Variants in CYSLTR2 observed in about 807,000 individuals in gnomAD.
The protein encoded by CYSLTR2 is cysteinyl leukotriene receptor 2.
For missense variants in CYSLTR2, 398 were observed against 411.9 expected (o/e 0.97, Z 0.29); for synonymous variants, 179 against 160.8 (o/e 1.11, Z -0.86).
chr13:48,660,710 A>G (rs1296988043), intron 1 of CYSLTR2, among the ~76,000 whole-genome samples: 3 of 152,364 alleles, frequency 2.0e-5, no homozygotes, highest in Middle Eastern at 3.4e-3. Flanking sequence ...TGAAAGCACA[A>G]GACCGTTCTT....
At chr13:48,697,546 A>G (rs149045712) in intron 4 of CYSLTR2, among the ~76,000 whole-genome samples, 1,564 of 152,306 alleles carry the variant, frequency 0.01, 30 homozygotes, top group African/African-American at 0.036. Context: ...AGATAAAACC[A>G]CAAAGATGGG....
At chr13:48,665,163 G>T (rs1326251925) in intron 1 of CYSLTR2, among the ~76,000 whole-genome samples, 1 of 151,912 alleles carries the variant, frequency 6.6e-6, no homozygotes, top group Admixed American at 6.6e-5. Context: ...TTCCCTTGTG[G>T]TCAAATAAGT....
rs534434290 is a variant in CYSLTR2 at position 48,660,764 on chromosome 13, C to T, written c.-266+6747C>T. Reference sequence around the variant, plus strand: ...AGAAAGCTTGGCATTTCTGACATGACATTTGGAGCCTGTTACAAATAAACT... The same window carrying T: ...AGAAAGCTTGGCATTTCTGACATGATATTTGGAGCCTGTTACAAATAAACT... On this transcript the variant is annotated intron_variant, in intron 1 of 4. Coordinates refer to ENST00000682523, the MANE Select transcript of CYSLTR2 (RefSeq NM_001308476.3). Among the ~76,000 whole-genome samples, 8 of 152,338 alleles carry T rather than the reference C, an allele frequency of 5.3e-5. No individual in the cohort carries two copies. The South Asian group carries it at 1.5e-3, about 28-fold the overall frequency.
rs118092765 is a variant in CYSLTR2 at position 48,691,645 on chromosome 13, T to C, written c.-176+344T>C. Among the ~76,000 whole-genome samples, 665 of 152,150 alleles carry C rather than the reference T, an allele frequency of 4.4e-3. 3 individuals are homozygous for C. Among genetic ancestry groups the C allele is most frequent in the Middle Eastern group, 0.014 (4 of 294 alleles). On this transcript the variant is annotated intron_variant, in intron 2 of 4. Coordinates refer to ENST00000682523, the MANE Select transcript of CYSLTR2 (RefSeq NM_001308476.3). ...TTTTGATGAGTCCCATGTCATTGAG[T>C]CAAAGCCCCTAGTGTTTGTTCAGAC...
chr13:48,678,571 T>C (rs1472290107), intron 1 of CYSLTR2, among the ~76,000 whole-genome samples: 2 of 152,104 alleles, frequency 1.3e-5, no homozygotes, highest in Non-Finnish European at 2.9e-5. Context: ...CTGACAGCCT[T>C]ACATTTATCA....
chr13:48,695,068 ATTTTTTTTTT>A (rs869282546), intron 3 of CYSLTR2, among the ~76,000 whole-genome samples: 21 of 71,618 alleles, frequency 2.9e-4, no homozygotes, highest in Non-Finnish European at 4.0e-4. Flanking sequence ...AGAACCTGGC[ATTTTTTTTTT>A]TTTTTTTTTT....
chr13:48,680,800 C>CTTTTTTTT (rs139896583), intron 1 of CYSLTR2, among the ~76,000 whole-genome samples: 32 of 55,020 alleles, frequency 5.8e-4, no homozygotes, highest in East Asian at 1.9e-3. Context: ...CTTTTCTTTT[C>CTTTTTTTT]TTTTTTTTTT....
intron 1 of CYSLTR2, among the ~76,000 whole-genome samples, chr13:48,671,541 G>T (rs547333734): frequency 6.6e-6 from 1 of 152,116 alleles, no homozygotes; most frequent in Non-Finnish European, 1.5e-5. Flanking sequence ...TATTCATGTG[G>T]TTTTTGTCAT....
rs1044376864 is a variant in CYSLTR2, at chr13:48,708,022, G to C, written c.*164G>C. 6.9e-6 allele frequency: 4 copies of C among 577,338 alleles called. No individual in the cohort carries two copies. Among genetic ancestry groups the C allele is most frequent in the Non-Finnish European group, 1.1e-5 (4 of 351,494 alleles). The allele number at this position is 577,338 out of a possible 1,614,324, so 35.8% of individuals were successfully genotyped here. ...AGACCTACTTCAAAAATTTTATTCAGTGTATTTTCAGTTGTTGAGTCTTAA... is the reference window on the plus strand; with the variant it reads ...AGACCTACTTCAAAAATTTTATTCACTGTATTTTCAGTTGTTGAGTCTTAA... On this transcript the variant is annotated 3_prime_UTR_variant, in exon 5 of 5. Coordinates refer to ENST00000682523, the MANE Select transcript of CYSLTR2 (RefSeq NM_001308476.3).
At chr13:48,705,695 A>T (rs148708962) in intron 4 of CYSLTR2, among the ~76,000 whole-genome samples, 1,960 of 150,126 alleles carry the variant, frequency 0.013, 27 homozygotes, top group Non-Finnish European at 0.019. Context: ...GAAGTATAGA[A>T]AACTTCTTAT....
At chr13:48,692,012 C>T (rs1362718920) in intron 2 of CYSLTR2, among the ~76,000 whole-genome samples, 1 of 151,682 alleles carries the variant, frequency 6.6e-6, no homozygotes, top group Non-Finnish European at 1.5e-5. Context: ...CTTGTGTTAC[C>T]TAATAGCCAT....
At chr13:48,654,154 A>C (rs1036969937) in intron 1 of CYSLTR2, 137 bp downstream of exon 1, 1 of 152,114 alleles carries the variant, frequency 6.6e-6, no homozygotes, top group African/African-American at 2.4e-5. Flanking sequence ...TATCATGTAC[A>C]TGGTAGTTTA....
intron 1 of CYSLTR2, among the ~76,000 whole-genome samples, chr13:48,678,968 C>G (rs1953675157): frequency 6.6e-6 from 1 of 152,154 alleles, no homozygotes; most frequent in South Asian, 2.1e-4. Context: ...CCAGTGTCAC[C>G]TCTCTAAAAT....
intron 1 of CYSLTR2, among the ~76,000 whole-genome samples, chr13:48,672,712 G>C (rs1165269804): frequency 6.6e-6 from 1 of 150,574 alleles, no homozygotes; most frequent in Non-Finnish European, 1.5e-5. Flanking sequence ...CCGCCTCCTG[G>C]GTTCATGTCA....
Position 48,707,843 on chromosome 13 carries a change from G to T in CYSLTR2, c.1026G>T (p.Lys342Asn), listed in dbSNP as rs548146071. Residue 342 changes from lysine (K) to asparagine (N), a missense_variant, in exon 5 of 5, where the codon AAG becomes AAT. Lys to Asn is a moderately conservative substitution (Grantham distance 94). Transcript: ENST00000682523. The stretch of plus-strand genomic sequence containing the variant: ...TCCCTGTTAGTGTGTGGTTGAGAAA[G>T]GAAACAAGAGTATAAGGAGCTCTTA... ...CVFPVSVWLRKETRV is the reference protein window; with the variant it reads ...CVFPVSVWLRNETRV 1.3e-6 allele frequency: 2 copies of T among 1,524,808 alleles called. No homozygotes were observed. Among genetic ancestry groups the T allele is most frequent in the African/African-American group, 2.8e-5 (2 of 72,002 alleles). 94.5% of individuals were successfully genotyped at this position (1,524,808 alleles called of 1,614,324 possible).
At position 48,707,035 on chromosome 13, in the gene CYSLTR2, T is replaced by C; in HGVS notation, c.218T>C (p.Val73Ala). 6.2e-7 allele frequency: 1 copy of C among 1,614,188 alleles called. No individual in the cohort carries two copies. The stretch of plus-strand genomic sequence containing the variant: ...CAGCCTTATAAGAAGTCCACATCTG[T>C]GAACGTTTTCATGCTAAATCTGGCC... The part of the protein sequence containing the change: ...FLQPYKKSTS[V>A]NVFMLNLAIS... Residue 73 changes from valine to alanine, a missense_variant, in exon 5 of 5, where the codon GTG becomes GCG. Val to Ala is a moderately conservative substitution (Grantham distance 64, BLOSUM62 0). Transcript: ENST00000682523.
chr13:48,707,971 T>A lies in CYSLTR2; in HGVS notation c.*113T>A. ...CCCAACAAATGTTGATTCTTAATAT[T>A]TAGTTGACCATTACTTTTGTTAATA... On this transcript the variant is annotated 3_prime_UTR_variant, in exon 5 of 5. Coordinates refer to ENST00000682523, the MANE Select transcript of CYSLTR2 (RefSeq NM_001308476.3). The A allele has an allele frequency of 5.5e-6, 5 of 904,896 alleles. No individual in the cohort carries two copies. The highest frequency in any genetic ancestry group is 7.8e-6 in the Non-Finnish European group (5 of 638,286). 56.1% of individuals were successfully genotyped at this position (904,896 alleles called of 1,614,324 possible).
In CYSLTR2 at chr13:48,710,395, T is replaced by G. The variant is rs1954606261; in HGVS notation, c.*2537T>G. 6.6e-6 allele frequency: 1 copy of G among 152,138 alleles called. No homozygotes were observed. The highest frequency in any genetic ancestry group is 2.4e-5 in the African/African-American group (1 of 41,422). The allele number at this position is 152,138 out of a possible 1,614,324, so 9.4% of individuals were successfully genotyped here. On this transcript the variant is annotated 3_prime_UTR_variant, in exon 5 of 5. Transcript: ENST00000682523. The stretch of plus-strand genomic sequence containing the variant: ...CATGAGTCACTTAGTCATCATCCAG[T>G]TGCTCAGATCAACTGTTGTGGTATA...
chr13:48,688,937 A>G (rs894686311), intron 1 of CYSLTR2, among the ~76,000 whole-genome samples: 1 of 152,160 alleles, frequency 6.6e-6, no homozygotes, highest in Non-Finnish European at 1.5e-5. Context: ...CTGACTTTTT[A>G]ATGATCACCA....
Sources: allele counts gnomAD v4.1 joint callset (sites outside exome capture counted in the v4.1 genomes callset), GRCh38; gene constraint gnomAD v4.1.1; transcripts MANE v1.5; gene names NCBI Gene and HGNC (gene_info 2026-07-23, HGNC 2026-07-21).